The following NEGR1 variants were observed in gnomAD, a reference collection of about 807,000 sequenced individuals.
The protein encoded by NEGR1 is IgLON family member 4.
In NEGR1, 10 loss-of-function variants were observed where a neutral mutation model predicts 40.9. That is an observed-to-expected ratio of 0.24 (90% CI 0.15 to 0.42). The LOEUF (loss-of-function observed/expected upper bound fraction) is 0.42, where lower values mean the gene tolerates loss of function less well. Among genes scored for constraint, NEGR1 ranks in the 10% least tolerant of loss-of-function variants. The pLI, the probability that NEGR1 is intolerant of heterozygous loss-of-function variation, is 1.00. For missense variants in NEGR1, 352 were observed against 438.9 expected (o/e 0.80, Z 1.77); for synonymous variants, 185 against 166.8 (o/e 1.11, Z -0.84).
chr1:72,235,879 C>G (rs1315310162), intron 1 of NEGR1, among the ~76,000 whole-genome samples: 1 of 151,968 alleles, frequency 6.6e-6, no homozygotes, highest in African/African-American at 2.4e-5. Flanking sequence ...CCAACATAAT[C>G]TTAAGCAAAA....
chr1:71,983,396 T>C (rs1646369759), intron 1 of NEGR1, among the ~76,000 whole-genome samples: 1 of 152,140 alleles, frequency 6.6e-6, no homozygotes, highest in Non-Finnish European at 1.5e-5. Context: ...TCAGATTAAA[T>C]AGCTTTTTAT....
At chr1:71,640,100 A>C (rs1277175834) in intron 4 of NEGR1, among the ~76,000 whole-genome samples, 3 of 152,092 alleles carry the variant, frequency 2.0e-5, no homozygotes, top group African/African-American at 7.2e-5. Flanking sequence ...TCTAAGAACT[A>C]GTAATATTTG....
At chr1:71,756,768 C>G (rs1050164842) in intron 3 of NEGR1, among the ~76,000 whole-genome samples, 1 of 151,476 alleles carries the variant, frequency 6.6e-6, no homozygotes, top group African/African-American at 2.4e-5. Context: ...GGGTGTAATA[C>G]ATCTTCAGAG....
At chr1:72,134,406 G>A (rs564623950) in intron 1 of NEGR1, among the ~76,000 whole-genome samples, 67 of 151,686 alleles carry the variant, frequency 4.4e-4, no homozygotes, top group Admixed American at 1.3e-3. Context: ...GGGTTTCACC[G>A]TGTTAGCCAG....
intron 2 of NEGR1, among the ~76,000 whole-genome samples, chr1:71,930,271 T>C (rs959305118): frequency 3.3e-5 from 5 of 152,198 alleles, no homozygotes; most frequent in African/African-American, 1.2e-4. Flanking sequence ...CGTGATGCTC[T>C]GAGATAGCTC....
At chr1:71,821,437 C>A (rs1009254856) in intron 2 of NEGR1, among the ~76,000 whole-genome samples, 1 of 151,946 alleles carries the variant, frequency 6.6e-6, no homozygotes, top group African/African-American at 2.4e-5. Flanking sequence ...GAAGGGAATA[C>A]AATGTCCTAG....
At chr1:71,790,583 T>C (rs1657080156) in intron 2 of NEGR1, among the ~76,000 whole-genome samples, 1 of 152,030 alleles carries the variant, frequency 6.6e-6, no homozygotes, top group Non-Finnish European at 1.5e-5. Context: ...TGTTCTCAGT[T>C]GATCTAGTAG....
intron 1 of NEGR1, among the ~76,000 whole-genome samples, chr1:72,076,064 C>T (rs947567835): frequency 6.6e-6 from 1 of 152,064 alleles, no homozygotes; most frequent in African/African-American, 2.4e-5. Context: ...TTATAAATAT[C>T]GATAACCTTA....
intron 5 of NEGR1, among the ~76,000 whole-genome samples, chr1:71,598,475 C>T (rs960995083): frequency 6.6e-6 from 1 of 152,182 alleles, no homozygotes; most frequent in South Asian, 2.1e-4. Context: ...TCAGTGCAGG[C>T]TTTTAGAGCA....
At chr1:72,085,372 G>A (rs2100534536) in intron 1 of NEGR1, among the ~76,000 whole-genome samples, 1 of 152,256 alleles carries the variant, frequency 6.6e-6, no homozygotes, top group South Asian at 2.1e-4. Context: ...TAATATTGTT[G>A]TCCCTGGTAT....
At chr1:72,150,570 T>G (rs1651088615) in intron 1 of NEGR1, among the ~76,000 whole-genome samples, 1 of 152,144 alleles carries the variant, frequency 6.6e-6, no homozygotes, top group African/African-American at 2.4e-5. Context: ...ATCTTAAATT[T>G]TGAACAGTGA....
At chr1:72,140,107 A>G (rs898707227) in intron 1 of NEGR1, among the ~76,000 whole-genome samples, 5 of 152,100 alleles carry the variant, frequency 3.3e-5, no homozygotes, top group African/African-American at 4.8e-5. Flanking sequence ...AACATGATAC[A>G]CACAGAGAAA....
chr1:71,706,183 G>C (rs1483848817), intron 3 of NEGR1, among the ~76,000 whole-genome samples: 1 of 152,216 alleles, frequency 6.6e-6, no homozygotes, highest in Non-Finnish European at 1.5e-5. Flanking sequence ...GGGGGAGGGA[G>C]ACCACAACAG....
At chr1:72,146,567 G>T (rs183951657) in intron 1 of NEGR1, among the ~76,000 whole-genome samples, 216 of 151,382 alleles carry the variant, frequency 1.4e-3, no homozygotes, top group African/African-American at 4.8e-3. Context: ...TCATGCACAA[G>T]TTTTTTTTTA....
intron 3 of NEGR1, 21 bp from the exon 4 acceptor site, chr1:71,698,160 T>A: frequency 6.2e-7 from 1 of 1,605,570 alleles, no homozygotes; most frequent in Non-Finnish European, 8.5e-7. Flanking sequence ...GAATACAGCA[T>A]GTTTAATTGT....
At chr1:71,660,179 C>T (rs1652009569) in intron 4 of NEGR1, among the ~76,000 whole-genome samples, 1 of 152,122 alleles carries the variant, frequency 6.6e-6, no homozygotes, top group Admixed American at 6.5e-5. Context: ...TTTGCAGAAA[C>T]ATGGATGAAG....
At chr1:71,860,937 G>A (rs1288445938) in intron 2 of NEGR1, among the ~76,000 whole-genome samples, 2 of 151,920 alleles carry the variant, frequency 1.3e-5, no homozygotes, top group Non-Finnish European at 1.5e-5. Flanking sequence ...GTATAATTGG[G>A]TATCCAATGT....
chr1:71,611,960 C>T lies in NEGR1; in HGVS notation c.668-814G>A, dbSNP rs528065438. On this transcript the variant is annotated intron_variant, in intron 4 of 6. Transcript: ENST00000357731. ...TGCATTGGCCGAGTGCGGTGGCTCA[C>T]GCCTGTAATCCCAGCAATCTGGGAG... is the stretch of plus-strand genomic sequence containing the variant. Among the ~76,000 whole-genome samples the T allele has an allele frequency of 3.3e-5, 5 of 152,322 alleles. No individual in the cohort carries two copies. The South Asian group carries it at 6.2e-4, about 19-fold the overall frequency.
chr1:71,748,703 T>A (rs536425665), intron 3 of NEGR1, among the ~76,000 whole-genome samples: 1 of 152,180 alleles, frequency 6.6e-6, no homozygotes, highest in South Asian at 2.1e-4. Flanking sequence ...TTGGAAAAAA[T>A]TTACCTAAGG....
Sources: allele counts gnomAD v4.1 joint callset (sites outside exome capture counted in the v4.1 genomes callset), GRCh38; gene constraint gnomAD v4.1.1; transcripts MANE v1.5; gene names NCBI Gene and HGNC (gene_info 2026-07-23, HGNC 2026-07-21).